Variants in DLG2 observed in about 807,000 individuals in gnomAD.
DLG2 encodes the protein discs large MAGUK scaffold protein 2, also known as disks large homolog 2.
A neutral mutation model predicts 132.5 loss-of-function variants in DLG2; 45 were observed. That is an observed-to-expected ratio of 0.34 (90% CI 0.27 to 0.44). DLG2 has a LOEUF of 0.44. DLG2 is among the 20% of genes least tolerant of loss of function. DLG2 has a pLI of 1.00. For synonymous variants in DLG2, 424 were observed against 419.6 expected, an observed-to-expected ratio of 1.01 and a Z score of -0.13; for missense variants, 1,045 against 1,196.9, an observed-to-expected ratio of 0.87 and a Z score of 1.87.
chr11:84,989,895 A>G (rs558096318), intron 6 of DLG2, among the ~76,000 whole-genome samples: 41 of 152,344 alleles, frequency 2.7e-4, no homozygotes, highest in African/African-American at 9.4e-4. Context: ...AAGAAGAAAG[A>G]TAAGACTTTT....
chr11:84,662,786 C>CAAAAAA lies in DLG2; in HGVS notation c.358-128061_358-128056dup, dbSNP rs752017709. ...TGGTCAATAGAGCAAGACTCTGTCA[C>CAAAAAA]AAAAAAAAAAAAAAAAAAAAAGGCA... On this transcript the variant is annotated intron_variant, in intron 6 of 27. Transcript: ENST00000376104. 6.5e-3 allele frequency among the ~76,000 whole-genome samples: 519 copies of CAAAAAA among 80,262 alleles called. 14 individuals carry two copies. The highest frequency in any genetic ancestry group is 0.017 in the South Asian group (37 of 2,164). 52.7% of individuals were successfully genotyped at this position (80,262 alleles called of 152,430 possible).
rs2076623093 is a variant in DLG2, at chr11:85,143,350, T to C, written c.282+11206A>G. ...TTGGCATATAGTTGTTGATAGTATC[T>C]CTAATGATCCTTTGAATTTCTGTGA... On this transcript the variant is annotated intron_variant, in intron 5 of 27. Coordinates refer to ENST00000376104, the MANE Select transcript of DLG2 (RefSeq NM_001142699.3). Among the ~76,000 whole-genome samples the C allele has an allele frequency of 2.0e-5, 3 of 151,722 alleles. No individual in the cohort carries two copies. In the South Asian group the frequency reaches 6.2e-4, roughly 31 times the overall value.
chr11:84,254,916 T>C (rs1211791142), intron 7 of DLG2, among the ~76,000 whole-genome samples: 1 of 152,142 alleles, frequency 6.6e-6, no homozygotes, highest in Non-Finnish European at 1.5e-5. Context: ...AATAAACATA[T>C]ATCACATACA....
intron 6 of DLG2, among the ~76,000 whole-genome samples, chr11:84,793,084 T>C (rs896953654): frequency 1.3e-5 from 2 of 152,182 alleles, no homozygotes; most frequent in Non-Finnish European, 2.9e-5. Flanking sequence ...GCTTTCACTG[T>C]ATCCCATAGG....
At chr11:85,528,584 C>A (rs1190388961) in intron 3 of DLG2, among the ~76,000 whole-genome samples, 2 of 152,136 alleles carry the variant, frequency 1.3e-5, no homozygotes, top group Admixed American at 6.6e-5. Context: ...GGCATTTAAT[C>A]CTGAGTTGAA....
intron 7 of DLG2, among the ~76,000 whole-genome samples, chr11:84,479,581 T>C (rs1016560443): frequency 6.6e-6 from 1 of 152,138 alleles, no homozygotes; most frequent in Non-Finnish European, 1.5e-5. Flanking sequence ...CCTTAAATTA[T>C]TTTTGAAATA....
intron 14 of DLG2, among the ~76,000 whole-genome samples, chr11:83,942,416 T>C (rs2082865885): frequency 6.6e-6 from 1 of 152,160 alleles, no homozygotes; most frequent in Non-Finnish European, 1.5e-5. Flanking sequence ...TTTTACTTAG[T>C]AGAGAATGAG....
rs190523476 is a variant in DLG2, at chr11:83,614,748, G to A, written c.1940+18463C>T. ...AACAACAACAAACCAACCAGATGCCGTCTTTAATTTCAGTGAACTTAACAA... is the reference window on the plus strand; with the variant it reads ...AACAACAACAAACCAACCAGATGCCATCTTTAATTTCAGTGAACTTAACAA... On this transcript the variant is annotated intron_variant, in intron 19 of 27. Transcript: ENST00000376104. 9.9e-5 allele frequency among the ~76,000 whole-genome samples: 15 copies of A among 152,258 alleles called. No individual in the cohort carries two copies. In the East Asian group the frequency reaches 1.2e-3, roughly 12 times the overall value.
intron 6 of DLG2, among the ~76,000 whole-genome samples, chr11:84,906,381 A>AACAC (rs35833007): frequency 0.066 from 9,572 of 144,158 alleles, 417 homozygotes; most frequent in Non-Finnish European, 0.08. Context: ...CAGCAAGGCT[A>AACAC]ACACACACAC....
chr11:85,063,418 A>G (rs1013918049), intron 6 of DLG2, among the ~76,000 whole-genome samples: 5 of 151,832 alleles, frequency 3.3e-5, no homozygotes, highest in African/African-American at 7.2e-5. Flanking sequence ...TATTTTCCCA[A>G]TATCAAGTAA....
chr11:83,858,008 G>A (rs1411935452), intron 16 of DLG2, among the ~76,000 whole-genome samples: 1 of 152,198 alleles, frequency 6.6e-6, no homozygotes, highest in Non-Finnish European at 1.5e-5. Context: ...GTGCGAACAA[G>A]TTGATCCTAA....
chr11:84,704,960 TAG>T (rs1368956471), intron 6 of DLG2, among the ~76,000 whole-genome samples: 1 of 150,136 alleles, frequency 6.7e-6, no homozygotes, highest in Non-Finnish European at 1.5e-5. Context: ...TAAATTTAAG[TAG>T]GCACATGAGC....
At chr11:85,610,502 A>T (rs1219537273) in intron 2 of DLG2, among the ~76,000 whole-genome samples, 1 of 152,190 alleles carries the variant, frequency 6.6e-6, no homozygotes, top group African/African-American at 2.4e-5. Context: ...CAGACCACAC[A>T]TCCCAACTTA....
intron 3 of DLG2, among the ~76,000 whole-genome samples, chr11:85,579,768 C>G (rs990694182): frequency 6.6e-6 from 1 of 152,086 alleles, no homozygotes; most frequent in Non-Finnish European, 1.5e-5. Flanking sequence ...CTCACTGTAA[C>G]CTCTGCCTCC....
chr11:83,779,965 G>A lies in DLG2; in HGVS notation c.1825+6725C>T, dbSNP rs1467149365. Among the ~76,000 whole-genome samples the A allele has an allele frequency of 2.6e-5, 4 of 152,084 alleles. No individual in the cohort carries two copies. The South Asian group carries it at 6.2e-4, about 24-fold the overall frequency. ...GTCTTGTCCAGTCCAAGTCGTGTACGGTACTTTCTGTTCTGAAAGCTTACT... is the reference window on the plus strand; with the variant it reads ...GTCTTGTCCAGTCCAAGTCGTGTACAGTACTTTCTGTTCTGAAAGCTTACT... On this transcript the variant is annotated intron_variant, in intron 18 of 27. Coordinates refer to ENST00000376104, the MANE Select transcript of DLG2 (RefSeq NM_001142699.3).
intron 6 of DLG2, among the ~76,000 whole-genome samples, chr11:85,083,926 G>A (rs1296926853): frequency 6.6e-6 from 1 of 152,100 alleles, no homozygotes; most frequent in Non-Finnish European, 1.5e-5. Flanking sequence ...TCATGTTTCA[G>A]ATTAACTTTG....
At chr11:84,481,907 A>G (rs1189294237) in intron 7 of DLG2, among the ~76,000 whole-genome samples, 1 of 152,182 alleles carries the variant, frequency 6.6e-6, no homozygotes, top group Non-Finnish European at 1.5e-5. Context: ...TCAGACAGGG[A>G]CTTCAACAAA....
intron 6 of DLG2, among the ~76,000 whole-genome samples, chr11:84,610,846 C>T (rs1295126285): frequency 6.6e-6 from 1 of 152,120 alleles, no homozygotes; most frequent in African/African-American, 2.4e-5. Flanking sequence ...TCCACCTTTT[C>T]TCCCTCTGGA....
intron 4 of DLG2, among the ~76,000 whole-genome samples, chr11:85,259,750 C>G (rs1049456671): frequency 6.6e-6 from 1 of 151,830 alleles, no homozygotes; most frequent in East Asian, 1.9e-4. Context: ...ATCCCCTGGC[C>G]AGAAATTGCA....
Sources: allele counts gnomAD v4.1 joint callset (sites outside exome capture counted in the v4.1 genomes callset), GRCh38; gene constraint gnomAD v4.1.1; transcripts MANE v1.5; gene names NCBI Gene and HGNC (gene_info 2026-07-23, HGNC 2026-07-21).